Variants in ATP9B observed in about 807,000 individuals in gnomAD.
ATP9B encodes probable phospholipid-transporting ATPase IIB.
ATP9B carries 110 observed loss-of-function variants against 146.1 expected under a neutral mutation model. That is an observed-to-expected ratio of 0.75 (90% CI 0.65 to 0.88). The LOEUF is 0.88. ATP9B is among the 40% of genes least tolerant of loss of function. The pLI is 0.00. For missense variants in ATP9B, 1,499 were observed against 1,496.4 expected, an observed-to-expected ratio of 1.00 and a Z score of -0.03; for synonymous variants, 604 against 569.7, an observed-to-expected ratio of 1.06 and a Z score of -0.86.
intron 5 of ATP9B, among the ~76,000 whole-genome samples, chr18:79,131,666 G>A (rs2094379972): frequency 6.6e-6 from 1 of 152,182 alleles, no homozygotes; most frequent in African/African-American, 2.4e-5. Context: ...TTTATTTAGT[G>A]TTTATTCACT....
intron 7 of ATP9B, among the ~76,000 whole-genome samples, 193 bp downstream of exon 7, chr18:79,154,748 T>C (rs1214246197): frequency 1.3e-5 from 2 of 152,232 alleles, no homozygotes; most frequent in Non-Finnish European, 2.9e-5. Flanking sequence ...CACATTTTCA[T>C]ATGAAGCTAC....
chr18:79,330,474 G>A (rs567925940), intron 17 of ATP9B, among the ~76,000 whole-genome samples: 29 of 150,666 alleles, frequency 1.9e-4, no homozygotes, highest in African/African-American at 4.2e-4. Flanking sequence ...GTGCAGTAGC[G>A]CAATCTTGGC....
chr18:79,102,815 C>T (rs2075379261), intron 2 of ATP9B, among the ~76,000 whole-genome samples: 1 of 152,188 alleles, frequency 6.6e-6, no homozygotes, highest in South Asian at 2.1e-4. Flanking sequence ...TGATCTCTTT[C>T]ACTAGCGTTT....
chr18:79,169,743 C>T (rs962341119), intron 7 of ATP9B, among the ~76,000 whole-genome samples: 1 of 152,114 alleles, frequency 6.6e-6, no homozygotes, highest in Admixed American at 6.5e-5. Context: ...CTTTATCAGA[C>T]TTTATTAGAT....
intron 15 of ATP9B, among the ~76,000 whole-genome samples, chr18:79,321,303 G>T (rs1031933689): frequency 1.3e-5 from 2 of 152,164 alleles, no homozygotes; most frequent in East Asian, 3.8e-4. Context: ...GAGTACTTAG[G>T]TATGAATTCA....
intron 9 of ATP9B, chr18:79,194,275 A>G (rs1055343259): frequency 3.1e-4 from 47 of 152,258 alleles, no homozygotes; most frequent in African/African-American, 1.1e-3. Flanking sequence ...TGGTAAGATA[A>G]ATGAAAAGGT....
At chr18:79,285,379 G>A (rs2096426743) in intron 13 of ATP9B, among the ~76,000 whole-genome samples, 1 of 152,218 alleles carries the variant, frequency 6.6e-6, no homozygotes, top group Admixed American at 6.5e-5. Flanking sequence ...CAGTGATGAT[G>A]AGCATTTTTT....
chr18:79,182,295 T>C (rs2095260667), intron 8 of ATP9B, among the ~76,000 whole-genome samples: 1 of 152,198 alleles, frequency 6.6e-6, no homozygotes, highest in South Asian at 2.1e-4. Flanking sequence ...TCCGTGGTTC[T>C]CCTCCGGCCG....
chr18:79,095,844 T>C (rs2074735105), intron 1 of ATP9B: 2 of 152,250 alleles, frequency 1.3e-5, no homozygotes. Context: ...AGGCTGCCTG[T>C]TTCTTGAAAT....
intron 11 of ATP9B, among the ~76,000 whole-genome samples, chr18:79,217,674 A>G (rs1191751832): frequency 2.6e-5 from 4 of 152,226 alleles, no homozygotes; most frequent in Non-Finnish European, 5.9e-5. Context: ...TACATGTTGA[A>G]TGGAAGAGAA....
Position 79,153,647 on chromosome 18 carries a change from A to G in ATP9B, c.727-857A>G, listed in dbSNP as rs547513053. 1.2e-3 allele frequency among the ~76,000 whole-genome samples: 151 copies of G among 127,288 alleles called. 1 individual carries two copies. The highest frequency in any genetic ancestry group is 4.3e-4 in the African/African-American group (12 of 28,212). 83.5% of individuals were successfully genotyped at this position (127,288 alleles called of 152,430 possible). The stretch of plus-strand genomic sequence containing the variant: ...GCAATATTTAACGTTTTTTTCAGAC[A>G]TAAAGCTTTTTTTTTTTTTTTGAAA... On this transcript the variant is annotated intron_variant, in intron 6 of 29. Transcript: ENST00000426216.
At chr18:79,132,158 GT>G (rs76523145) in intron 5 of ATP9B, among the ~76,000 whole-genome samples, 37,955 of 152,052 alleles carry the variant, frequency 0.25, 5,062 homozygotes, top group East Asian at 0.5. Context: ...ACCTTCTGCT[GT>G]TACGTCTTTT....
intron 26 of ATP9B, among the ~76,000 whole-genome samples, chr18:79,370,652 TG>T (rs1458034867): frequency 2.0e-5 from 3 of 152,222 alleles, no homozygotes; most frequent in Admixed American, 6.5e-5. Flanking sequence ...ATTTTGTTGA[TG>T]TTTTTTGTAC....
At chr18:79,310,059 C>A (rs2096644030) in intron 15 of ATP9B, among the ~76,000 whole-genome samples, 1 of 152,188 alleles carries the variant, frequency 6.6e-6, no homozygotes, top group African/African-American at 2.4e-5. Flanking sequence ...TGTTGCTGAT[C>A]AGCATGTGGG....
At chr18:79,318,690 A>T (rs1012468901) in intron 15 of ATP9B, among the ~76,000 whole-genome samples, 43 of 152,258 alleles carry the variant, frequency 2.8e-4, no homozygotes, top group Non-Finnish European at 3.1e-4. Context: ...AACACTGTGT[A>T]TATGCACCTT....
In ATP9B at chr18:79,328,372, C is replaced by A. The variant is rs1184765672; in HGVS notation, c.1774-769C>A. 2.0e-5 allele frequency among the ~76,000 whole-genome samples: 3 copies of A among 152,182 alleles called. No homozygotes were observed. In the East Asian group the frequency reaches 5.8e-4, roughly 29 times the overall value. On this transcript the variant is annotated intron_variant, in intron 15 of 29. Coordinates refer to ENST00000426216, the MANE Select transcript of ATP9B (RefSeq NM_198531.5). The stretch of plus-strand genomic sequence containing the variant: ...CACAAATTATTAACTGTAAAAATTG[C>A]TCTTCCACTTGTGATTGTTAAATTT...
At chr18:79,362,215 T>A (rs2096993902) in intron 26 of ATP9B, 1 of 152,210 alleles carries the variant, frequency 6.6e-6, no homozygotes, top group Admixed American at 6.5e-5. Flanking sequence ...AACCAGTCTT[T>A]ATAATCTAAA....
rs142310902 is a variant in ATP9B, at chr18:79,274,737, T to C, written c.1269-2317T>C. The stretch of plus-strand genomic sequence containing the variant: ...TTGCATCCTGCAGTGGCTCTACTTA[T>C]TTTTTTCATCCTGAAGATGATCTCT... On this transcript the variant is annotated intron_variant, in intron 12 of 29. Transcript: ENST00000426216. Among the ~76,000 whole-genome samples, 366 of 152,332 alleles carry C rather than the reference T, an allele frequency of 2.4e-3. 2 individuals carry two copies. Among genetic ancestry groups the C allele is most frequent in the South Asian group, 6.4e-3 (31 of 4,826 alleles).
intron 11 of ATP9B, among the ~76,000 whole-genome samples, chr18:79,245,790 C>T (rs562546025): frequency 1.3e-5 from 2 of 148,216 alleles, no homozygotes; most frequent in South Asian, 2.1e-4. Context: ...GGGCACCACC[C>T]TACTGACTGA....
Sources: gnomAD v4.1 joint callset for allele counts (sites outside exome capture counted in the v4.1 genomes callset) on GRCh38, gnomAD v4.1.1 for gene constraint, MANE v1.5 for transcripts, NCBI Gene and HGNC (gene_info 2026-07-23, HGNC 2026-07-21) for gene names.